Variants in DNHD1 observed in about 807,000 individuals in gnomAD.
DNHD1 encodes the protein dynein heavy chain domain 1.
DNHD1 carries 383 observed loss-of-function variants against 458.1 expected under a neutral mutation model. That is an observed-to-expected ratio of 0.84 (90% CI 0.77 to 0.91). The LOEUF (loss-of-function observed/expected upper bound fraction) is 0.91, where lower values mean the gene tolerates loss of function less well. DNHD1 is among the 40% of genes least tolerant of loss of function. The probability of loss-of-function intolerance (pLI) is 0.00; values close to 1 mark genes in which losing one functional copy is unlikely to be tolerated. For synonymous variants in DNHD1, 2,203 were observed against 2,376.9 expected (o/e 0.93, Z 2.13); for missense variants, 5,336 against 5,866.1 (o/e 0.91, Z 2.95).
chr11:6,565,734 C>T lies in DNHD1; in HGVS notation c.10796C>T (p.Thr3599Met), dbSNP rs146526282. 3.4e-4 allele frequency: 524 copies of T among 1,550,174 alleles called. 4 individuals carry two copies. Among genetic ancestry groups the T allele is most frequent in the African/African-American group, 3.0e-3 (215 of 72,804 alleles). ...LMRNQKRESKTDMKEEDDESE... is the reference protein window; with the variant it reads ...LMRNQKRESKMDMKEEDDESE... ...AGAAATCAAAAGAGAGAGAGTAAAA[C>T]GGACATGAAAGAGGAAGATGATGAG... The change falls in exon 33 of 43, where the codon ACG becomes ATG. Residue 3599 changes from threonine to methionine, a missense_variant. Physicochemically the swap from Thr to Met is moderately conservative, Grantham distance 81. Transcript: ENST00000254579.
chr11:6,570,886 C>T lies in DNHD1; in HGVS notation c.13374C>T (p.Thr4458=). The change falls in exon 42 of 43, where the codon ACC becomes ACT. Residue 4458 remains threonine, a synonymous_variant. Transcript: ENST00000254579. The part of the protein sequence containing the change: ...RRLESLQDLL[T]HVIRQDESDA... ...TGGAGTCACTGCAGGATCTGCTGACCCACGTGATTCGCCAAGACGAGTCCG... is the reference window on the plus strand; with the variant it reads ...TGGAGTCACTGCAGGATCTGCTGACTCACGTGATTCGCCAAGACGAGTCCG... 4 of 1,613,954 alleles carry T rather than the reference C, an allele frequency of 2.5e-6. No individual in the cohort carries two copies. Among genetic ancestry groups the T allele is most frequent in the South Asian group, 2.2e-5 (2 of 91,088 alleles).
intron 7 of DNHD1, among the ~76,000 whole-genome samples, chr11:6,516,263 C>G (rs1013480404): frequency 2.7e-5 from 4 of 148,774 alleles, no homozygotes; most frequent in Admixed American, 6.7e-5. Flanking sequence ...TGTTTTCACT[C>G]TCTTTTGTTT....
In DNHD1 at chr11:6,563,877, CG is replaced by C; in HGVS notation, c.10039del (p.Asp3347ThrfsTer66). Reference sequence around the variant, plus strand: ...CTGGCGCATTGCCGGGGACTGCCCACGGACCTGCTGCTGCAGCAAGTGGAGG... The same window carrying C: ...CTGGCGCATTGCCGGGGACTGCCCACGACCTGCTGCTGCAGCAAGTGGAGG... ...YGLAHCRGLP[T>X]DLLLQQVEAT... is the part of the protein sequence containing the mutation. On this transcript the variant is annotated frameshift_variant, in exon 31 of 43. Transcript: ENST00000254579. LOFTEE classifies it high-confidence loss of function. 1 of 1,551,698 alleles carries C rather than the reference CG, an allele frequency of 6.4e-7. No individual in the cohort carries two copies. Among genetic ancestry groups the C allele is most frequent in the African/African-American group, 1.4e-5 (1 of 73,194 alleles).
intron 13 of DNHD1, 57 bp downstream of exon 13, chr11:6,533,241 C>A: frequency 1.3e-6 from 2 of 1,502,936 alleles, no homozygotes; most frequent in Non-Finnish European, 9.0e-7. Context: ...TGCTCAAAAG[C>A]TCAGCACACT....
At position 6,544,679 on chromosome 11, in the gene DNHD1, A is replaced by C; in HGVS notation, c.3852+8A>C. The C allele has an allele frequency of 6.4e-7, 1 of 1,550,696 alleles. No homozygotes were observed. Among genetic ancestry groups the C allele is most frequent in the Non-Finnish European group, 8.7e-7 (1 of 1,146,252 alleles). On this transcript the variant is annotated splice_region_variant and intron_variant, in intron 20 of 42. Transcript: ENST00000254579. ...TTTCCTAATGCTGACCTGGTAGGGA[A>C]GGGGGTTGAGGCAGAGAGGGCAAGA...
chr11:6,524,629 A>G (rs568091696), intron 10 of DNHD1, among the ~76,000 whole-genome samples: 1 of 152,244 alleles, frequency 6.6e-6, no homozygotes, highest in Admixed American at 6.5e-5. Flanking sequence ...TGGCAAGGGG[A>G]TGTGTCATGG....
In DNHD1 at chr11:6,565,671, C is replaced by A. The variant is rs747056647; in HGVS notation, c.10757-24C>A. On this transcript the variant is annotated intron_variant, in intron 32 of 42. Coordinates refer to ENST00000254579, the MANE Select transcript of DNHD1 (RefSeq NM_144666.3). ...AGTCTGATTCCTCCCCTAAGAAGAG[C>A]TCCTCTGAATCTTTCTGCCCCAGGG... 3.9e-6 allele frequency: 6 copies of A among 1,521,816 alleles called. No individual in the cohort carries two copies. The South Asian group carries it at 5.1e-5, about 13-fold the overall frequency. 94.3% of individuals were successfully genotyped at this position (1,521,816 alleles called of 1,614,324 possible).
rs3214523 is a variant in DNHD1 at position 6,548,170 on chromosome 11, TA to T, written c.6906-38del. 4.9e-5 allele frequency: 76 copies of T among 1,548,634 alleles called. No homozygotes were observed. In the East Asian group the frequency reaches 1.9e-3, roughly 38 times the overall value. On this transcript the variant is annotated intron_variant, in intron 22 of 42. Coordinates refer to ENST00000254579, the MANE Select transcript of DNHD1 (RefSeq NM_144666.3). This position sits in a 1 kb window ranked among gnomAD's most constrained non-coding sequence, Gnocchi z 4.4. ...GAGTGTGTCATAAATGGAAGTGTTG[TA>T]ACTGTCTGACGCTTTTGCCTGTGTG...
Position 6,547,044 on chromosome 11 carries a change from C to T in DNHD1, c.6105C>T (p.Gly2035=). The T allele has an allele frequency of 6.4e-7, 1 of 1,551,710 alleles. No individual in the cohort carries two copies. Among genetic ancestry groups the T allele is most frequent in the Non-Finnish European group, 8.7e-7 (1 of 1,146,998 alleles). Residue 2035 remains glycine (G), a synonymous_variant, in exon 21 of 43, where the codon GGC becomes GGT. Coordinates refer to ENST00000254579, the MANE Select transcript of DNHD1 (RefSeq NM_144666.3). ...PVEITHLYPS[G]LSPQEFLGWL... ...AAATTACCCACCTGTACCCCAGTGGCCTCAGCCCCCAGGAGTTCCTGGGAT... is the reference window on the plus strand; with the variant it reads ...AAATTACCCACCTGTACCCCAGTGGTCTCAGCCCCCAGGAGTTCCTGGGAT...
chr11:6,562,563 G>A (rs958313257), intron 28 of DNHD1, among the ~76,000 whole-genome samples: 1 of 152,068 alleles, frequency 6.6e-6, no homozygotes, highest in Non-Finnish European at 1.5e-5. Context: ...GGCTGACAGA[G>A]GAAGAGAATG....
At chr11:6,528,243 A>G (rs1852751296) in intron 10 of DNHD1, among the ~76,000 whole-genome samples, 1 of 152,210 alleles carries the variant, frequency 6.6e-6, no homozygotes, top group Non-Finnish European at 1.5e-5. Flanking sequence ...TTATTCTGCA[A>G]CCCATTTAAT....
intron 30 of DNHD1, 36 bp downstream of exon 30, chr11:6,563,600 G>A (rs1441545274): frequency 6.5e-7 from 1 of 1,548,934 alleles, no homozygotes; most frequent in Non-Finnish European, 8.7e-7. Context: ...GAGGATAGGG[G>A]AGGCATAAAG....
chr11:6,538,945 T>C, intron 16 of DNHD1, 135 bp downstream of exon 16: 1 of 1,051,200 alleles, frequency 9.5e-7, no homozygotes, highest in Non-Finnish European at 1.3e-6. Context: ...CCCACATATT[T>C]CAATTTCTTT....
At position 6,544,751 on chromosome 11, in the gene DNHD1, C is replaced by CT. The variant is rs1431348595; in HGVS notation, c.3853-39dup. ...TCAGCGTGGGAAAGGGGAGCTGCCA[C>CT]TTCATATTGGCCCTCACTTTTATCC... On this transcript the variant is annotated intron_variant, in intron 20 of 42. Coordinates refer to ENST00000254579, the MANE Select transcript of DNHD1 (RefSeq NM_144666.3). The CT allele has an allele frequency of 1.2e-5, 19 of 1,540,058 alleles. No individual in the cohort carries two copies. The African/African-American group carries it at 2.3e-4, about 19-fold the overall frequency.
intron 28 of DNHD1, among the ~76,000 whole-genome samples, chr11:6,560,938 A>G (rs12361285): frequency 0.32 from 47,907 of 152,060 alleles, 8,931 homozygotes; most frequent in Non-Finnish European, 0.43. Flanking sequence ...ATGGATGGAT[A>G]GATAGATAGA....
At chr11:6,522,483 G>A (rs1288815687) in intron 10 of DNHD1, among the ~76,000 whole-genome samples, 1 of 152,134 alleles carries the variant, frequency 6.6e-6, no homozygotes, top group Non-Finnish European at 1.5e-5. Context: ...AGGGTGAGAG[G>A]AAGGAGAGGA....
intron 14 of DNHD1, among the ~76,000 whole-genome samples, chr11:6,535,246 T>C (rs1354540420): frequency 6.6e-6 from 1 of 152,274 alleles, no homozygotes; most frequent in African/African-American, 2.4e-5. Context: ...ATTTTGCATG[T>C]GTATGCATGC....
rs143488066 is a variant in DNHD1, at chr11:6,571,362, C to G, written c.13850C>G (p.Ser4617Trp). 3.7e-6 allele frequency: 6 copies of G among 1,612,196 alleles called. No homozygotes were observed. Among genetic ancestry groups the G allele is most frequent in the African/African-American group, 1.3e-5 (1 of 74,894 alleles). Reference protein sequence around the residue: ...PSSNFPGSRGSVSSQLQYKRL... With the variant: ...PSSNFPGSRGWVSSQLQYKRL... ...TCGAATTTCCCTGGTAGCCGAGGCT[C>G]GGTCTCCAGTCAGCTCCAGTATAAA... Residue 4617 changes from serine to tryptophan, a missense_variant, in exon 42 of 43, where the codon TCG becomes TGG. Physicochemically the swap from Ser to Trp is radical, Grantham distance 177 (BLOSUM62 -3). This residue lies in a region of DNHD1 where 698 missense variants were observed against 664.9 expected (regional missense o/e 1.05). Coordinates refer to ENST00000254579, the MANE Select transcript of DNHD1 (RefSeq NM_144666.3). This position sits in a 1 kb window ranked among gnomAD's most constrained non-coding sequence, Gnocchi z 5.0.
intron 3 of DNHD1, among the ~76,000 whole-genome samples, chr11:6,500,638 C>A (rs547853596): frequency 6.6e-6 from 1 of 152,316 alleles, no homozygotes; most frequent in East Asian, 1.9e-4. Context: ...GGATCAAGTT[C>A]TTTGCCCTCC....
Sources: gnomAD v4.1 joint callset for allele counts (sites outside exome capture counted in the v4.1 genomes callset) on GRCh38, gnomAD v4.1.1 for gene constraint, gnomAD v4.1.1 regional missense constraint, Gnocchi (gnomAD v3.1) non-coding constraint, MANE v1.5 for transcripts, NCBI Gene and HGNC (gene_info 2026-07-23, HGNC 2026-07-21) for gene names.